NID2: variants seen among roughly 807,000 people sequenced by gnomAD.
NID2 encodes nidogen-2.
A neutral mutation model predicts 145.4 loss-of-function variants in NID2; 83 were observed. The ratio of observed to expected loss-of-function variants is 0.57; its 90% confidence interval spans 0.48 to 0.69. NID2 has a LOEUF of 0.69. NID2 is among the 30% of genes least tolerant of loss of function. NID2 has a pLI of 0.00. For synonymous variants in NID2, 739 were observed against 701.3 expected (o/e 1.05, Z -0.85); for missense variants, 1,807 against 1,765.7 (o/e 1.02, Z -0.42).
At chr14:52,031,032 G>A (rs944265993) in intron 9 of NID2, among the ~76,000 whole-genome samples, 1 of 152,196 alleles carries the variant, frequency 6.6e-6, no homozygotes, top group Admixed American at 6.5e-5. Context: ...GGGTTACACA[G>A]TCAGAAGAGG....
rs528874290 is a variant in NID2, at chr14:52,017,252, G to A, written c.3028+1809C>T. 1.2e-4 allele frequency among the ~76,000 whole-genome samples: 18 copies of A among 152,222 alleles called. No individual in the cohort carries two copies. In the South Asian group the frequency reaches 3.5e-3, roughly 30 times the overall value. On this transcript the variant is annotated intron_variant, in intron 14 of 21. Transcript: ENST00000216286. The stretch of plus-strand genomic sequence containing the variant: ...GGGTGTCCCAAATCACTCATACATG[G>A]GCATCCCTTTCATTCGTTACTATTT...
intron 20 of NID2, 143 bp from the exon 21 acceptor site, chr14:52,005,992 G>A (rs1890764162): frequency 1.6e-6 from 1 of 638,684 alleles, no homozygotes; most frequent in South Asian, 1.8e-5. Context: ...CCATACTGAA[G>A]TTTGAAGACC....
intron 13 of NID2, among the ~76,000 whole-genome samples, chr14:52,019,772 C>G (rs1202966257): frequency 4.6e-5 from 7 of 152,164 alleles, no homozygotes; most frequent in African/African-American, 1.7e-4. Context: ...CTCAACACTT[C>G]ATCCAAATTG....
intron 2 of NID2, among the ~76,000 whole-genome samples, chr14:52,060,886 C>G (rs1893003564): frequency 6.6e-6 from 1 of 152,348 alleles, no homozygotes; most frequent in African/African-American, 2.4e-5. Context: ...CAGCATCACT[C>G]TCTTTCCTCT....
chr14:52,041,717 G>A (rs1446117907), intron 7 of NID2, among the ~76,000 whole-genome samples: 1 of 152,170 alleles, frequency 6.6e-6, no homozygotes, highest in African/African-American at 2.4e-5. Flanking sequence ...GCTGGGAGGA[G>A]AAGAGCACCC....
intron 3 of NID2, among the ~76,000 whole-genome samples, chr14:52,056,284 CCTT>C (rs1396109300): frequency 2.8e-4 from 43 of 152,058 alleles, no homozygotes; most frequent in Middle Eastern, 3.4e-3. Context: ...AATAAAATAA[CCTT>C]CTAATTATAT....
At chr14:52,024,092 T>C (rs1891494720) in intron 12 of NID2, among the ~76,000 whole-genome samples, 1 of 152,202 alleles carries the variant, frequency 6.6e-6, no homozygotes, top group Admixed American at 6.5e-5. Context: ...TATGCATGGG[T>C]CTTTAGGAAA....
chr14:52,067,624 T>A (rs1893263859), intron 2 of NID2, among the ~76,000 whole-genome samples: 2 of 152,224 alleles, frequency 1.3e-5, no homozygotes, highest in African/African-American at 4.8e-5. Context: ...CCCGCTCTCA[T>A]ATCCGCTAAG....
At chr14:52,005,595 A>G in intron 21 of NID2, 99 bp from the exon 22 acceptor site, 2 of 1,491,268 alleles carry the variant, frequency 1.3e-6, no homozygotes, top group South Asian at 2.4e-5. Context: ...AACTAGGTAG[A>G]TTTAAGGTAG....
intron 2 of NID2, among the ~76,000 whole-genome samples, chr14:52,062,943 A>G (rs1893061332): frequency 6.6e-6 from 1 of 152,272 alleles, no homozygotes; most frequent in South Asian, 2.1e-4. Context: ...TGTCTCCACC[A>G]AAATAGGCAA....
At chr14:52,038,399 C>T (rs1488295338) in intron 9 of NID2, among the ~76,000 whole-genome samples, 5 of 152,326 alleles carry the variant, frequency 3.3e-5, no homozygotes, top group Middle Eastern at 3.4e-3. Flanking sequence ...CAGTGCCCTG[C>T]TCTCATCACA....
Position 52,058,707 on chromosome 14 carries a change from G to A in NID2, c.767+1417C>T, listed in dbSNP as rs554164081. Reference sequence around the variant, plus strand: ...TGTGTAGATGCCAGCACTTACCCAGGGCTCTGTAATTGTTGATCTATTTGT... The same window carrying A: ...TGTGTAGATGCCAGCACTTACCCAGAGCTCTGTAATTGTTGATCTATTTGT... On this transcript the variant is annotated intron_variant, in intron 3 of 21. Transcript: ENST00000216286. Among the ~76,000 whole-genome samples, 22 of 151,964 alleles carry A rather than the reference G, an allele frequency of 1.4e-4. No individual in the cohort carries two copies. The South Asian group carries it at 4.2e-3, about 29-fold the overall frequency.
chr14:52,009,478 T>C (rs766586382), intron 18 of NID2: 5 of 152,228 alleles, frequency 3.3e-5, no homozygotes, highest in Non-Finnish European at 5.9e-5. Flanking sequence ...ATGTGTTATA[T>C]TGCAACCTGG....
At chr14:52,011,476 G>C in intron 17 of NID2, 78 bp downstream of exon 17, 1 of 1,582,398 alleles carries the variant, frequency 6.3e-7, no homozygotes, top group Non-Finnish European at 8.6e-7. Context: ...GAAAAATCGA[G>C]GGGAGACTTC....
rs374142030 is a variant in NID2, at chr14:52,047,484, T to C, written c.1430-4553A>G. 4.1e-4 allele frequency among the ~76,000 whole-genome samples: 63 copies of C among 152,238 alleles called. 1 individual carries two copies. The highest frequency in any genetic ancestry group is 1.5e-3 in the African/African-American group (62 of 41,528). ...GGGTCTCAGAGATCACAGGAAGGAT[T>C]TGAGCTTTCATCTGAGTGAGATGGG... On this transcript the variant is annotated intron_variant, in intron 5 of 21. Coordinates refer to ENST00000216286, the MANE Select transcript of NID2 (RefSeq NM_007361.4).
chr14:52,026,949 G>C (rs1345430893), intron 12 of NID2, among the ~76,000 whole-genome samples: 2 of 152,220 alleles, frequency 1.3e-5, no homozygotes, highest in African/African-American at 4.8e-5. Flanking sequence ...AGGAACCAAG[G>C]TTAGAAGCTC....
At position 52,028,737 on chromosome 14, in the gene NID2, G is replaced by A. The variant is rs764037512; in HGVS notation, c.2515C>T (p.Arg839Trp). ...CRSGYEFADD[R>W]HTCILITPPA... Reference sequence around the variant, plus strand: ...TGGAACTCACAGATGCAAGTATGCCGGTCATCTGCAAACTCATAACCACTC... The same window carrying A: ...TGGAACTCACAGATGCAAGTATGCCAGTCATCTGCAAACTCATAACCACTC... Residue 839 changes from arginine (R) to tryptophan (W), a missense_variant, in exon 11 of 22, where the codon CGG (arginine) becomes TGG (tryptophan). Physicochemically the swap from Arg to Trp is moderately radical, Grantham distance 101. Transcript: ENST00000216286. 90 of 1,611,924 alleles carry A rather than the reference G, an allele frequency of 5.6e-5. No homozygotes were observed. Among genetic ancestry groups the A allele is most frequent in the Middle Eastern group, 1.7e-4 (1 of 6,052 alleles).
intron 9 of NID2, among the ~76,000 whole-genome samples, chr14:52,032,947 T>C (rs531834207): frequency 9.2e-5 from 14 of 152,302 alleles, no homozygotes; most frequent in Non-Finnish European, 1.6e-4. Context: ...TTCCATAATT[T>C]GCAATCCCCA....
chr14:52,020,392 C>T (rs185964889), intron 12 of NID2: 1 of 591,890 alleles, frequency 1.7e-6, no homozygotes, highest in Non-Finnish European at 2.7e-6. Context: ...AGTTAACACA[C>T]TAGACTAAAC....
Sources: allele counts gnomAD v4.1 joint callset (sites outside exome capture counted in the v4.1 genomes callset), GRCh38; gene constraint gnomAD v4.1.1; transcripts MANE v1.5; gene names NCBI Gene and HGNC (gene_info 2026-07-23, HGNC 2026-07-21).